Variants in GSTCD observed in about 807,000 individuals in gnomAD.
GSTCD encodes the protein glutathione S-transferase C-terminal domain-containing protein.
GSTCD carries 44 observed loss-of-function variants against 68.3 expected under a neutral mutation model. The observed-to-expected ratio is 0.64, with a 90% confidence interval of 0.51 to 0.83. The LOEUF is 0.83. GSTCD is among the 40% of genes least tolerant of loss of function. The pLI is 0.00. For synonymous variants in GSTCD, 273 were observed against 255.2 expected, an observed-to-expected ratio of 1.07 and a Z score of -0.67; for missense variants, 739 against 735.9, an observed-to-expected ratio of 1.00 and a Z score of -0.05.
At chr4:105,743,170 T>G (rs1228041786) in intron 5 of GSTCD, among the ~76,000 whole-genome samples, 1 of 152,084 alleles carries the variant, frequency 6.6e-6, no homozygotes. Context: ...CAGGATGGTC[T>G]CGATCTCCTG....
rs1352088776 is a variant in GSTCD, at chr4:105,726,758, A to C, written c.1074A>C (p.Glu358Asp). The C allele has an allele frequency of 6.2e-7, 1 of 1,613,960 alleles. No homozygotes were observed. The highest frequency in any genetic ancestry group is 1.6e-4 in the Middle Eastern group (1 of 6,062). ...TSTEQHPNLC[E>D]VPGVEEQSDP... ...CTGAACAGCATCCAAACTTATGTGA[A>C]GTCCCAGGTGTAGAAGAGCAAAGCG... The change falls in exon 4 of 12, where the codon GAA becomes GAC. Residue 358 changes from glutamate (E) to aspartate (D), a missense_variant. By Grantham distance (45) the Glu-to-Asp change is conservative (BLOSUM62 2). Coordinates refer to ENST00000515279, the MANE Select transcript of GSTCD (RefSeq NM_001370181.1).
intron 5 of GSTCD, among the ~76,000 whole-genome samples, chr4:105,818,514 A>G (rs1359988351): frequency 2.6e-5 from 4 of 151,870 alleles, no homozygotes; most frequent in Non-Finnish European, 5.9e-5. Flanking sequence ...AGGTTAGCAA[A>G]TTAATCAGAG....
At chr4:105,710,385 TC>T (rs1732494159) in intron 1 of GSTCD, among the ~76,000 whole-genome samples, 1 of 145,606 alleles carries the variant, frequency 6.9e-6, no homozygotes, top group African/African-American at 2.5e-5. Flanking sequence ...CACACTCGGC[TC>T]CTTTTTTTTT....
At chr4:105,741,736 A>C (rs1465968856) in intron 5 of GSTCD, among the ~76,000 whole-genome samples, 1 of 152,190 alleles carries the variant, frequency 6.6e-6, no homozygotes, top group African/African-American at 2.4e-5. Context: ...TACTCATTAC[A>C]TCCCTATAAT....
intron 11 of GSTCD, among the ~76,000 whole-genome samples, chr4:105,844,282 G>C (rs947124384): frequency 3.9e-5 from 6 of 152,134 alleles, no homozygotes; most frequent in Non-Finnish European, 7.4e-5. Flanking sequence ...GGAAAAAAAA[G>C]AATGTCGGCC....
chr4:105,794,085 A>G (rs1404063146), intron 5 of GSTCD, among the ~76,000 whole-genome samples: 6 of 152,124 alleles, frequency 3.9e-5, no homozygotes, highest in African/African-American at 1.5e-4. Flanking sequence ...AGACATATAC[A>G]GAAAATGAGC....
intron 5 of GSTCD, among the ~76,000 whole-genome samples, chr4:105,772,377 G>T (rs1734885270): frequency 6.6e-6 from 1 of 152,124 alleles, no homozygotes; most frequent in Admixed American, 6.6e-5. Flanking sequence ...TGATTGCCCT[G>T]ACCAGAACTT....
chr4:105,742,909 T>C (rs1455204886), intron 5 of GSTCD, among the ~76,000 whole-genome samples: 1 of 150,634 alleles, frequency 6.6e-6, no homozygotes, highest in African/African-American at 2.4e-5. Flanking sequence ...GAGACGGAGG[T>C]CACACTGTGT....
At chr4:105,724,866 T>A (rs191679208) in intron 3 of GSTCD, among the ~76,000 whole-genome samples, 173 of 152,100 alleles carry the variant, frequency 1.1e-3, no homozygotes, top group African/African-American at 4.0e-3. Context: ...ATATTAAGGA[T>A]TTTAGGTTTT....
chr4:105,805,088 G>T (rs1047425986), intron 5 of GSTCD, among the ~76,000 whole-genome samples: 1 of 151,880 alleles, frequency 6.6e-6, no homozygotes. Context: ...TTCAATAATT[G>T]AAAAGGGATA....
At chr4:105,737,233 A>G (rs888106818) in intron 5 of GSTCD, among the ~76,000 whole-genome samples, 3 of 152,102 alleles carry the variant, frequency 2.0e-5, no homozygotes, top group South Asian at 2.1e-4. Context: ...CTTTCTTTGC[A>G]TCCTCACCAT....
rs2112048 is a variant in GSTCD, at chr4:105,756,684, C to T, written c.1240+27185C>T. ...GCAAGGAAGCCAGTTGAGTAGCCAACGCAGATCAACCTTCAAAGCAGAGAG... is the reference window on the plus strand; with the variant it reads ...GCAAGGAAGCCAGTTGAGTAGCCAATGCAGATCAACCTTCAAAGCAGAGAG... On this transcript the variant is annotated intron_variant, in intron 5 of 11. Transcript: ENST00000515279. Among the ~76,000 whole-genome samples, 50 of 151,770 alleles carry T rather than the reference C, an allele frequency of 3.3e-4. No individual in the cohort carries two copies. In the East Asian group the frequency reaches 7.5e-3, roughly 23 times the overall value.
At chr4:105,750,460 CAAAAAAAAAAAA>C (rs1024094979) in intron 5 of GSTCD, among the ~76,000 whole-genome samples, 1 of 51,278 alleles carries the variant, frequency 2.0e-5, no homozygotes. Context: ...AACTCCGTCT[CAAAAAAAAAAAA>C]AAAAAAAGAA....
At chr4:105,771,800 G>A (rs1734860435) in intron 5 of GSTCD, among the ~76,000 whole-genome samples, 1 of 152,152 alleles carries the variant, frequency 6.6e-6, no homozygotes, top group Admixed American at 6.5e-5. Flanking sequence ...AAGTCAGGTA[G>A]CATGATGCCT....
intron 5 of GSTCD, among the ~76,000 whole-genome samples, chr4:105,812,245 G>C (rs989376632): frequency 1.3e-5 from 2 of 152,186 alleles, no homozygotes; most frequent in Non-Finnish European, 2.9e-5. Flanking sequence ...TCAAAATCTA[G>C]AAAGTATACC....
chr4:105,740,283 A>C (rs1410279663), intron 5 of GSTCD, among the ~76,000 whole-genome samples: 1 of 151,902 alleles, frequency 6.6e-6, no homozygotes, highest in Non-Finnish European at 1.5e-5. Flanking sequence ...TCCTCACTCC[A>C]GTAGGACTCA....
At chr4:105,789,716 C>A (rs541374295) in intron 5 of GSTCD, among the ~76,000 whole-genome samples, 1 of 151,932 alleles carries the variant, frequency 6.6e-6, no homozygotes, top group South Asian at 2.1e-4. Flanking sequence ...AAGTGAGTCA[C>A]TAGGTTCAGC....
chr4:105,818,260 A>C (rs751586966), intron 5 of GSTCD, among the ~76,000 whole-genome samples: 3 of 151,482 alleles, frequency 2.0e-5, no homozygotes, highest in Non-Finnish European at 3.0e-5. Flanking sequence ...AGAGCTTGAA[A>C]AAGTAACTTT....
At chr4:105,815,776 A>G (rs1722952680) in intron 5 of GSTCD, among the ~76,000 whole-genome samples, 1 of 152,174 alleles carries the variant, frequency 6.6e-6, no homozygotes, top group African/African-American at 2.4e-5. Context: ...GAGGGAAAAG[A>G]AGTAAATACC....
Sources: gnomAD v4.1 joint callset for allele counts (sites outside exome capture counted in the v4.1 genomes callset) on GRCh38, gnomAD v4.1.1 for gene constraint, MANE v1.5 for transcripts, NCBI Gene and HGNC (gene_info 2026-07-23, HGNC 2026-07-21) for gene names.